The following ZFP2 variants were observed in gnomAD, a reference collection of about 807,000 sequenced individuals.
ZFP2 encodes zinc finger protein ZFP2.
ZFP2 carries 33 observed loss-of-function variants against 36.1 expected under a neutral mutation model. The observed-to-expected ratio is 0.92, with a 90% CI of 0.69 to 1.22. The LOEUF is 1.22. Among genes scored for constraint, ZFP2 ranks in the 50% most tolerant of loss-of-function variants. The pLI is 0.00. For missense variants in ZFP2, 522 were observed against 551.4 expected, an observed-to-expected ratio of 0.95 and a Z score of 0.53; for synonymous variants, 170 against 178.0, an observed-to-expected ratio of 0.96 and a Z score of 0.36.
In ZFP2 at chr5:178,912,739, C is replaced by A; in HGVS notation, c.-314+20C>A. The stretch of plus-strand genomic sequence containing the variant: ...CACTGGGTAAGGACTTCTTGTAACT[C>A]AAAACCCACCTCTTGACAATCATAA... On this transcript the variant is annotated intron_variant, in intron 2 of 4. Coordinates refer to ENST00000361362, the MANE Select transcript of ZFP2 (RefSeq NM_030613.4). 1 of 1,060,952 alleles carries A rather than the reference C, an allele frequency of 9.4e-7. No individual in the cohort carries two copies. Among genetic ancestry groups the A allele is most frequent in the Non-Finnish European group, 1.2e-6 (1 of 862,642 alleles). The allele number at this position is 1,060,952 out of a possible 1,614,324, so 65.7% of individuals were successfully genotyped here. A position where few individuals can be genotyped will look rare whatever the true frequency, so the allele number is the denominator to read the frequency against.
intron 1 of ZFP2, chr5:178,910,501 G>GCCTGC: frequency 1.6e-6 from 1 of 627,244 alleles, no homozygotes; most frequent in East Asian, 3.2e-5. Context: ...CCTCACAGTG[G>GCCTGC]CCTGCACCCT....
At chr5:178,904,129 G>T (rs1758118406) in intron 1 of ZFP2, among the ~76,000 whole-genome samples, 1 of 152,184 alleles carries the variant, frequency 6.6e-6, no homozygotes, top group Admixed American at 6.5e-5. Flanking sequence ...GTGATGTGAA[G>T]TAGGGATCTA....
rs372828482 is a variant in ZFP2, at chr5:178,931,758, C to G, written c.445C>G (p.Gln149Glu). 5 of 1,614,086 alleles carry G rather than the reference C, an allele frequency of 3.1e-6. No homozygotes were observed. The African/African-American group carries it at 6.7e-5, about 22-fold the overall frequency. Residue 149 changes from glutamine to glutamate, a missense_variant, in exon 5 of 5, where the codon CAA becomes GAA. Physicochemically the swap from Gln to Glu is conservative, Grantham distance 29 (BLOSUM62 2). Transcript: ENST00000361362. ...TGAACGATCCTCCCTTACTGTACAT[C>G]AAAGAATTCATACTGGAGAGAAACC... ...FIERSSLTVH[Q>E]RIHTGEKPYK... is the part of the protein sequence containing the mutation.
At chr5:178,910,179 A>G (rs762116620) in intron 1 of ZFP2, 5 of 1,540,462 alleles carry the variant, frequency 3.2e-6, no homozygotes, top group East Asian at 2.2e-5. Flanking sequence ...GCAGCCATCA[A>G]AAATCTTTCT....
At chr5:178,899,399 G>T (rs1173229861) in intron 1 of ZFP2, among the ~76,000 whole-genome samples, 1 of 152,154 alleles carries the variant, frequency 6.6e-6, no homozygotes, top group Non-Finnish European at 1.5e-5. Context: ...ATGGCTCCTG[G>T]AATGTTGAAG....
chr5:178,922,607 G>T, intron 4 of ZFP2: 1 of 1,576,082 alleles, frequency 6.3e-7, no homozygotes, highest in East Asian at 2.2e-5. Context: ...GAGCATGGCA[G>T]GTATGGCCCA....
At chr5:178,927,663 ATGTGTGTGTG>A (rs33974182) in intron 4 of ZFP2, among the ~76,000 whole-genome samples, 1,917 of 92,522 alleles carry the variant, frequency 0.021, 27 homozygotes, top group Non-Finnish European at 0.028. Flanking sequence ...TACCTGGCCA[ATGTGTGTGTG>A]TGTGTGTGTG....
At chr5:178,926,378 T>C (rs1561684600) in intron 4 of ZFP2, among the ~76,000 whole-genome samples, 2 of 152,242 alleles carry the variant, frequency 1.3e-5, no homozygotes, top group Non-Finnish European at 2.9e-5. Context: ...TGTCTAATAG[T>C]GTAAATGGAT....
intron 1 of ZFP2, among the ~76,000 whole-genome samples, 163 bp downstream of exon 1, chr5:178,896,137 G>T (rs983762578): frequency 6.6e-6 from 1 of 152,208 alleles, no homozygotes; most frequent in African/African-American, 2.4e-5. Context: ...CCTGTGGAGC[G>T]CCGGGCCTCC....
chr5:178,914,749 A>G (rs1995079), intron 3 of ZFP2, among the ~76,000 whole-genome samples: 55,074 of 151,988 alleles, frequency 0.36, 10,207 homozygotes, highest in East Asian at 0.49. Context: ...AAAGCAGCAT[A>G]AGAGAATGAC....
chr5:178,896,308 C>T (rs1169678053), intron 1 of ZFP2, among the ~76,000 whole-genome samples: 1 of 152,226 alleles, frequency 6.6e-6, no homozygotes, highest in Non-Finnish European at 1.5e-5. Flanking sequence ...CACCACGGGT[C>T]AGGGAGGGGC....
intron 4 of ZFP2, among the ~76,000 whole-genome samples, chr5:178,929,947 G>GGT (rs1758787499): frequency 6.6e-6 from 1 of 150,486 alleles, no homozygotes; most frequent in South Asian, 2.1e-4. Context: ...GACGGTGGGG[G>GGT]GGGGGGCTCA....
At chr5:178,903,220 G>T (rs1467434594) in intron 1 of ZFP2, among the ~76,000 whole-genome samples, 1 of 152,180 alleles carries the variant, frequency 6.6e-6, no homozygotes, top group Non-Finnish European at 1.5e-5. Context: ...CATTAGAGCT[G>T]TTTTCCTTTT....
chr5:178,903,796 C>T (rs550788269), intron 1 of ZFP2, among the ~76,000 whole-genome samples: 11 of 151,908 alleles, frequency 7.2e-5, no homozygotes, highest in East Asian at 3.9e-4. Context: ...GGTGAAACTC[C>T]GTCTCTACTA....
At chr5:178,899,010 G>A (rs1412795443) in intron 1 of ZFP2, among the ~76,000 whole-genome samples, 1 of 152,176 alleles carries the variant, frequency 6.6e-6, no homozygotes, top group African/African-American at 2.4e-5. Flanking sequence ...ATAAGAACAA[G>A]TGTGGTTAGG....
At position 178,916,545 on chromosome 5, in the gene ZFP2, C is replaced by T. The variant is rs1758435482; in HGVS notation, c.-223-20C>T. ...CATAGAACATGATGATTTGCAAACT[C>T]CAGATCTTGTTCTTTCCAGATTTTC... On this transcript the variant is annotated intron_variant, in intron 3 of 4. Coordinates refer to ENST00000361362, the MANE Select transcript of ZFP2 (RefSeq NM_030613.4). The T allele has an allele frequency of 1.0e-6, 1 of 985,250 alleles. No homozygotes were observed. Among genetic ancestry groups the T allele is most frequent in the African/African-American group, 1.7e-5 (1 of 57,210 alleles). The allele number at this position is 985,250 out of a possible 1,614,324, so 61.0% of individuals were successfully genotyped here.
intron 3 of ZFP2, chr5:178,913,869 T>G (rs576190414): frequency 1.3e-5 from 2 of 149,846 alleles, no homozygotes; most frequent in Non-Finnish European, 3.0e-5. Context: ...TTTTTTTTTT[T>G]TTTTTGAGAT....
intron 1 of ZFP2, among the ~76,000 whole-genome samples, chr5:178,905,360 A>G (rs1581829219): frequency 1.3e-5 from 2 of 152,324 alleles, no homozygotes; most frequent in East Asian, 3.9e-4. Context: ...TGGAGTTTAA[A>G]TATGATTGTG....
chr5:178,899,808 T>A (rs1456622653), intron 1 of ZFP2, among the ~76,000 whole-genome samples: 1 of 152,124 alleles, frequency 6.6e-6, no homozygotes, highest in East Asian at 1.9e-4. Flanking sequence ...TTACTTAGCC[T>A]TGTTGTCTGG....
Sources: gnomAD v4.1 joint callset for allele counts (sites outside exome capture counted in the v4.1 genomes callset) on GRCh38, gnomAD v4.1.1 for gene constraint, MANE v1.5 for transcripts, NCBI Gene and HGNC (gene_info 2026-07-23, HGNC 2026-07-21) for gene names.